PLCH1: variants seen among roughly 807,000 people sequenced by gnomAD.
PLCH1 encodes the protein phospholipase C eta 1, also known as 1-phosphatidylinositol 4,5-bisphosphate phosphodiesterase eta-1.
A neutral mutation model predicts 126.7 loss-of-function variants in PLCH1; 60 were observed. The ratio of observed to expected loss-of-function variants is 0.47; its 90% CI spans 0.38 to 0.59. The LOEUF is 0.59. Among genes scored for constraint, PLCH1 ranks in the 20% least tolerant of loss-of-function variants. The pLI, the probability that PLCH1 is intolerant of heterozygous loss-of-function variation, is 0.00. For missense variants in PLCH1, 1,723 were observed against 2,040.0 expected, an observed-to-expected ratio of 0.84 and a Z score of 2.99; for synonymous variants, 719 against 734.9, an observed-to-expected ratio of 0.98 and a Z score of 0.35.
At chr3:155,663,925 C>G (rs1378639066) in intron 2 of PLCH1, among the ~76,000 whole-genome samples, 1 of 152,120 alleles carries the variant, frequency 6.6e-6, no homozygotes, top group Non-Finnish European at 1.5e-5. Context: ...GGCTATGCAA[C>G]AAGCAGAAGC....
intron 2 of PLCH1, chr3:155,675,861 A>T (rs1188621177): frequency 1.9e-6 from 1 of 525,872 alleles, no homozygotes. Context: ...ACCTCATTTC[A>T]TACTGAAATA....
rs370435343 is a variant in PLCH1, at chr3:155,626,255, GA to G, written c.80-29878del. On this transcript the variant is annotated intron_variant, in intron 2 of 22. Transcript: ENST00000460012. Reference sequence around the variant, plus strand: ...TGATTAATATCTGACAGCCACCTCAGAAGCCCCCAATGTCAGAAACACAGGA... The same window carrying G: ...TGATTAATATCTGACAGCCACCTCAGAGCCCCCAATGTCAGAAACACAGGA... Among the ~76,000 whole-genome samples, 450 of 151,932 alleles carry G rather than the reference GA, an allele frequency of 3.0e-3. 2 individuals are homozygous for G. Among genetic ancestry groups the G allele is most frequent in the South Asian group, 0.019 (93 of 4,796 alleles).
At chr3:155,638,896 G>A (rs1172737416) in intron 2 of PLCH1, among the ~76,000 whole-genome samples, 1 of 152,150 alleles carries the variant, frequency 6.6e-6, no homozygotes, top group African/African-American at 2.4e-5. Context: ...ATTGGAACAA[G>A]ATCTGGGGGA....
chr3:155,505,540 T>C (rs543559984), intron 12 of PLCH1, among the ~76,000 whole-genome samples: 2 of 151,972 alleles, frequency 1.3e-5, no homozygotes, highest in Admixed American at 6.6e-5. Context: ...AGCCAAAAGG[T>C]TGGGAAGGGG....
At chr3:155,690,289 G>A (rs930494603) in intron 2 of PLCH1, among the ~76,000 whole-genome samples, 2 of 152,110 alleles carry the variant, frequency 1.3e-5, no homozygotes, top group Non-Finnish European at 2.9e-5. Flanking sequence ...TCACAAAAAG[G>A]GTAAGGAATA....
At chr3:155,517,044 T>C (rs1436470592) in intron 11 of PLCH1, among the ~76,000 whole-genome samples, 1 of 152,142 alleles carries the variant, frequency 6.6e-6, no homozygotes. Flanking sequence ...CCATGGCTCA[T>C]GTCTGTAATC....
At chr3:155,522,534 A>T (rs1721240411) in intron 11 of PLCH1, among the ~76,000 whole-genome samples, 1 of 152,220 alleles carries the variant, frequency 6.6e-6, no homozygotes, top group South Asian at 2.1e-4. Flanking sequence ...AGAAGTGTCT[A>T]CTGAGACATC....
intron 2 of PLCH1, among the ~76,000 whole-genome samples, chr3:155,677,157 C>T (rs1744162863): frequency 6.6e-6 from 1 of 152,192 alleles, no homozygotes; most frequent in South Asian, 2.1e-4. Context: ...CTTCTCCCAG[C>T]TTCAGCTGTC....
At chr3:155,512,781 GA>G in intron 12 of PLCH1, among the ~76,000 whole-genome samples, 1 of 152,148 alleles carries the variant, frequency 6.6e-6, no homozygotes, top group East Asian at 1.9e-4. Flanking sequence ...TCCAAACTAT[GA>G]GGAGCCCTGA....
chr3:155,699,169 A>G (rs570164733), intron 2 of PLCH1, among the ~76,000 whole-genome samples: 24 of 150,906 alleles, frequency 1.6e-4, no homozygotes, highest in Admixed American at 1.5e-3. Context: ...TCCACCTCCC[A>G]GGTTCAAACG....
intron 21 of PLCH1, among the ~76,000 whole-genome samples, chr3:155,470,439 T>C (rs1426421932): frequency 1.3e-5 from 2 of 152,060 alleles, no homozygotes; most frequent in Non-Finnish European, 2.9e-5. Flanking sequence ...AAAGACCAAA[T>C]CTACATCTGA....
chr3:155,621,756 A>G (rs746927375), intron 2 of PLCH1, among the ~76,000 whole-genome samples: 1 of 152,208 alleles, frequency 6.6e-6, no homozygotes, highest in Non-Finnish European at 1.5e-5. Context: ...GAAATACGGG[A>G]CTATGTAAAA....
chr3:155,640,854 C>T (rs1232251923), intron 2 of PLCH1, among the ~76,000 whole-genome samples: 1 of 152,088 alleles, frequency 6.6e-6, no homozygotes, highest in Non-Finnish European at 1.5e-5. Context: ...TCCACTACTC[C>T]GCTAGCATGG....
Position 155,497,351 on chromosome 3 carries a change from G to A in PLCH1, c.1863C>T (p.Asn621=). The change falls in exon 15 of 23, where the codon AAC becomes AAT. Residue 621 remains asparagine, a synonymous_variant. Coordinates refer to ENST00000460012, the MANE Select transcript of PLCH1 (RefSeq NM_014996.4). The part of the protein sequence containing the change: ...RELSDLVVYT[N]SVAAQDIVDD... Reference sequence around the variant, plus strand: ...CCACAATGTCCTGAGCGGCCACGGAGTTTGTGTACACAACCAAATCAGAGA... The same window carrying A: ...CCACAATGTCCTGAGCGGCCACGGAATTTGTGTACACAACCAAATCAGAGA... 1 of 1,613,680 alleles carries A rather than the reference G, an allele frequency of 6.2e-7. No individual in the cohort carries two copies. The highest frequency in any genetic ancestry group is 1.1e-5 in the South Asian group (1 of 91,068).
chr3:155,577,603 C>T (rs1472118402), intron 6 of PLCH1, among the ~76,000 whole-genome samples: 1 of 152,024 alleles, frequency 6.6e-6, no homozygotes, highest in Non-Finnish European at 1.5e-5. Flanking sequence ...TTATAGATTT[C>T]TTTTGAGTCA....
intron 1 of PLCH1, among the ~76,000 whole-genome samples, chr3:155,710,902 C>CT (rs1747077955): frequency 7.2e-6 from 1 of 138,952 alleles, no homozygotes; most frequent in Non-Finnish European, 1.6e-5. Flanking sequence ...ATAGAAAAAA[C>CT]TAAAAAAAAA....
downstream of PLCH1, among the ~76,000 whole-genome samples, chr3:155,475,463 T>TA (rs1486498149): frequency 6.6e-6 from 1 of 151,424 alleles, no homozygotes; most frequent in African/African-American, 2.4e-5. Context: ...AAATAAATAA[T>TA]AAAGATCAGA....
intron 2 of PLCH1, among the ~76,000 whole-genome samples, chr3:155,636,591 A>G (rs1738749807): frequency 6.6e-6 from 1 of 152,076 alleles, no homozygotes; most frequent in Non-Finnish European, 1.5e-5. Flanking sequence ...TACTAAAAAT[A>G]CAAAAAAATA....
At chr3:155,703,317 A>G (rs1746409852) in intron 2 of PLCH1, among the ~76,000 whole-genome samples, 1 of 152,028 alleles carries the variant, frequency 6.6e-6, no homozygotes, top group Non-Finnish European at 1.5e-5. Flanking sequence ...GTTAAAGAGC[A>G]CTCCACTCCC....
Sources: gnomAD v4.1 joint callset for allele counts (sites outside exome capture counted in the v4.1 genomes callset) on GRCh38, gnomAD v4.1.1 for gene constraint, MANE v1.5 for transcripts, NCBI Gene and HGNC (gene_info 2026-07-23, HGNC 2026-07-21) for gene names.